SPCS2: variants seen among roughly 807,000 people sequenced by gnomAD.
The protein encoded by SPCS2 is SPase 25 kDa subunit.
A neutral mutation model predicts 22.3 loss-of-function variants in SPCS2; 3 were observed. The ratio of observed to expected loss-of-function variants is 0.13; its 90% CI spans 0.06 to 0.35. The LOEUF (loss-of-function observed/expected upper bound fraction) is 0.35, where lower values mean the gene tolerates loss of function less well. Among genes scored for constraint, SPCS2 ranks in the 10% least tolerant of loss-of-function variants. The probability of loss-of-function intolerance (pLI) is 1.00; values close to 1 mark genes in which losing one functional copy is unlikely to be tolerated. For synonymous variants in SPCS2, 67 were observed against 97.2 expected, an observed-to-expected ratio of 0.69 and a Z score of 1.83; for missense variants, 169 against 280.9, an observed-to-expected ratio of 0.60 and a Z score of 2.85.
chr11:74,953,863 G>A (rs1032624381), intron 1 of SPCS2, among the ~76,000 whole-genome samples: 2 of 152,306 alleles, frequency 1.3e-5, no homozygotes, highest in South Asian at 4.1e-4. Flanking sequence ...TTGATATGTG[G>A]TGTTAAACCA....
intron 1 of SPCS2, among the ~76,000 whole-genome samples, chr11:74,960,864 A>G (rs1948509673): frequency 6.6e-6 from 1 of 152,224 alleles, no homozygotes; most frequent in South Asian, 2.1e-4. Flanking sequence ...CATTCAGGAA[A>G]TGGTAGCTAT....
chr11:74,949,615 C>T (rs1464040132), intron 1 of SPCS2: 3 of 611,604 alleles, frequency 4.9e-6, no homozygotes, highest in South Asian at 4.6e-5. Context: ...TCTTTTCTCG[C>T]AAGTGTTCTG....
In SPCS2 at chr11:74,955,833, A is replaced by T. The variant is rs560367853; in HGVS notation, c.114+6434A>T. 1.6e-3 allele frequency among the ~76,000 whole-genome samples: 157 copies of T among 99,038 alleles called. 2 individuals are homozygous for T. Among genetic ancestry groups the T allele is most frequent in the African/African-American group, 5.1e-3 (147 of 28,988 alleles). 65.0% of individuals were successfully genotyped at this position (99,038 alleles called of 152,430 possible). ...AGACACTGATTACTTTAATACTATT[A>T]CTTTAATTACTAATTAAAATATATA... On this transcript the variant is annotated intron_variant, in intron 1 of 4. Transcript: ENST00000263672.
chr11:74,951,291 G>A (rs369475611), intron 1 of SPCS2, among the ~76,000 whole-genome samples: 5 of 152,170 alleles, frequency 3.3e-5, no homozygotes, highest in African/African-American at 1.2e-4. Flanking sequence ...AAGTAAGACA[G>A]TACACATTAA....
intron 3 of SPCS2, 149 bp downstream of exon 3, chr11:74,966,072 A>G (rs1212147291): frequency 1.5e-6 from 1 of 686,962 alleles, no homozygotes; most frequent in Non-Finnish European, 2.5e-6. Flanking sequence ...TTATATAGTA[A>G]ATATCTATCA....
chr11:74,962,407 T>C (rs565812060), intron 1 of SPCS2, among the ~76,000 whole-genome samples: 76 of 152,314 alleles, frequency 5.0e-4, no homozygotes, highest in South Asian at 1.0e-3. Flanking sequence ...TGGACCCAGG[T>C]TCACTTATTT....
rs11454192 is a variant in SPCS2 at position 74,974,111 on chromosome 11, CT to C, written c.495-2735del. Among the ~76,000 whole-genome samples, 389 of 148,320 alleles carry C rather than the reference CT, an allele frequency of 2.6e-3. 4 individuals are homozygous for C. Among genetic ancestry groups the C allele is most frequent in the Admixed American group, 0.023 (338 of 14,950 alleles). Reference sequence around the variant, plus strand: ...AGCTAATTACCCTTACTTTGTAATACTTTTTTTTTTTAACTAGGCTTCTCAG... The same window carrying C: ...AGCTAATTACCCTTACTTTGTAATACTTTTTTTTTTAACTAGGCTTCTCAG... On this transcript the variant is annotated intron_variant, in intron 4 of 4. Coordinates refer to ENST00000263672, the MANE Select transcript of SPCS2 (RefSeq NM_014752.3).
intron 4 of SPCS2, among the ~76,000 whole-genome samples, chr11:74,971,201 G>A (rs1234941434): frequency 6.6e-6 from 1 of 152,172 alleles, no homozygotes; most frequent in East Asian, 1.9e-4. Flanking sequence ...GCATGTATCA[G>A]TACTTCATTC....
chr11:74,965,539 G>T (rs998788200), intron 2 of SPCS2, among the ~76,000 whole-genome samples: 3 of 152,080 alleles, frequency 2.0e-5, no homozygotes, highest in African/African-American at 7.2e-5. Flanking sequence ...TTTAGCTGTG[G>T]GAAAAGTTGA....
intron 1 of SPCS2, among the ~76,000 whole-genome samples, chr11:74,955,864 A>ATATATATATATATC (rs1948475772): frequency 1.1e-5 from 1 of 94,142 alleles, no homozygotes; most frequent in Non-Finnish European, 1.9e-5. Flanking sequence ...ATATATATAT[A>ATATATATATATATC]TATATATATA....
Position 74,965,736 on chromosome 11 carries a change from A to G in SPCS2, c.199-27A>G, listed in dbSNP as rs562115770. 22 of 1,591,418 alleles carry G rather than the reference A, an allele frequency of 1.4e-5. No individual in the cohort carries two copies. In the East Asian group the frequency reaches 4.0e-4, roughly 29 times the overall value. On this transcript the variant is annotated intron_variant, in intron 2 of 4. Transcript: ENST00000263672. ...ATACTGGGGAGGAAGTATTCCTATT[A>G]GCTTGATTCCTTGTTTTTCTCACCA... is the stretch of plus-strand genomic sequence containing the variant.
chr11:74,950,320 T>G (rs1265522855), intron 1 of SPCS2, among the ~76,000 whole-genome samples: 1 of 152,208 alleles, frequency 6.6e-6, no homozygotes, highest in Admixed American at 6.5e-5. Context: ...CTAAATTCCC[T>G]TCCAGTTCTC....
At chr11:74,955,878 A>ATC (rs1565484779) in intron 1 of SPCS2, among the ~76,000 whole-genome samples, 3 of 117,318 alleles carry the variant, frequency 2.6e-5, no homozygotes, top group Non-Finnish European at 5.1e-5. Flanking sequence ...ATATATATAT[A>ATC]TATATATATC....
At chr11:74,950,030 C>CT (rs1440850035) in intron 1 of SPCS2, among the ~76,000 whole-genome samples, 2 of 152,124 alleles carry the variant, frequency 1.3e-5, no homozygotes, top group African/African-American at 2.4e-5. Context: ...CCCGCTCACG[C>CT]TTGCCCCTTT....
At position 74,953,671 on chromosome 11, in the gene SPCS2, G is replaced by A. The variant is rs866932379; in HGVS notation, c.114+4272G>A. On this transcript the variant is annotated intron_variant, in intron 1 of 4. Coordinates refer to ENST00000263672, the MANE Select transcript of SPCS2 (RefSeq NM_014752.3). The stretch of plus-strand genomic sequence containing the variant: ...TTATGAAACTGACTTTAAGAACACA[G>A]CAATTCTTGTTTCCTGATCTTAAAA... 2.6e-5 allele frequency among the ~76,000 whole-genome samples: 4 copies of A among 152,156 alleles called. No homozygotes were observed. In the South Asian group the frequency reaches 8.3e-4, roughly 32 times the overall value.
At chr11:74,961,035 TAAAAA>T (rs59333466) in intron 1 of SPCS2, among the ~76,000 whole-genome samples, 1 of 138,022 alleles carries the variant, frequency 7.2e-6, no homozygotes, top group Non-Finnish European at 1.6e-5. Flanking sequence ...ATTTAGACAT[TAAAAA>T]AAAAAAAAAG....
At chr11:74,972,675 A>G (rs1251886975) in intron 4 of SPCS2, among the ~76,000 whole-genome samples, 1 of 149,534 alleles carries the variant, frequency 6.7e-6, no homozygotes, top group Non-Finnish European at 1.5e-5. Flanking sequence ...TCAGCCATCC[A>G]CAAAGTCCCC....
At chr11:74,968,914 C>T (rs1379424556) in intron 3 of SPCS2, among the ~76,000 whole-genome samples, 1 of 152,166 alleles carries the variant, frequency 6.6e-6, no homozygotes, top group Non-Finnish European at 1.5e-5. Flanking sequence ...AGCAATCCAC[C>T]TGCCTCGGCC....
At chr11:74,954,455 G>C (rs1168051403) in intron 1 of SPCS2, among the ~76,000 whole-genome samples, 1 of 152,200 alleles carries the variant, frequency 6.6e-6, no homozygotes. Flanking sequence ...CTGTTGTGAG[G>C]TGGAAGACCT....
Sources: allele counts gnomAD v4.1 joint callset (sites outside exome capture counted in the v4.1 genomes callset), GRCh38; gene constraint gnomAD v4.1.1; transcripts MANE v1.5; gene names NCBI Gene and HGNC (gene_info 2026-07-23, HGNC 2026-07-21).